Variants in XPO1 observed in about 807,000 individuals in gnomAD.
XPO1 encodes the protein exportin-1.
Under a neutral mutation model 133.3 loss-of-function variants are expected in XPO1, and 5 were observed. That is an observed-to-expected ratio of 0.04 (90% CI 0.02 to 0.08). XPO1 has a LOEUF of 0.08. Ranked by LOEUF, XPO1 falls within the 10% of genes least tolerant of loss-of-function variation. XPO1 has a pLI of 1.00. For synonymous variants in XPO1, 419 were observed against 408.2 expected (o/e 1.03, Z -0.32); for missense variants, 506 against 1,267.5 (o/e 0.40, Z 9.12).
At chr2:61,500,962 G>A (rs1413408352) in intron 6 of XPO1, among the ~76,000 whole-genome samples, 1 of 152,092 alleles carries the variant, frequency 6.6e-6, no homozygotes, top group African/African-American at 2.4e-5. Flanking sequence ...ACTGCAATCG[G>A]GGCCTGAATA....
intron 4 of XPO1, among the ~76,000 whole-genome samples, chr2:61,511,888 A>G (rs921970650): frequency 6.6e-6 from 1 of 152,022 alleles, no homozygotes; most frequent in African/African-American, 2.4e-5. Context: ...CCTACCGAGT[A>G]GCTGGGATTC....
chr2:61,511,678 C>A (rs1057260561), intron 4 of XPO1, among the ~76,000 whole-genome samples: 2 of 152,182 alleles, frequency 1.3e-5, no homozygotes, highest in African/African-American at 2.4e-5. Context: ...GGATTGCAGG[C>A]CTCAATCACT....
intron 2 of XPO1, among the ~76,000 whole-genome samples, chr2:61,527,171 A>G (rs182500798): frequency 3.0e-4 from 45 of 152,208 alleles, no homozygotes; most frequent in East Asian, 2.9e-3. Flanking sequence ...CAAAAACAAT[A>G]TAAAAATTCT....
At chr2:61,534,057 G>A in intron 1 of XPO1, 154 bp from the exon 2 acceptor site, 2 of 712,704 alleles carry the variant, frequency 2.8e-6, no homozygotes, top group Non-Finnish European at 2.0e-6. Flanking sequence ...GTAAAAGCAA[G>A]TAACAAAAGC....
intron 7 of XPO1, among the ~76,000 whole-genome samples, chr2:61,499,147 A>G (rs1400778588): frequency 6.6e-6 from 1 of 152,256 alleles, no homozygotes; most frequent in African/African-American, 2.4e-5. Flanking sequence ...AAGTATAACT[A>G]TAGTTTATAC....
intron 6 of XPO1, among the ~76,000 whole-genome samples, chr2:61,500,323 G>A (rs1558647742): frequency 6.6e-6 from 1 of 152,044 alleles, no homozygotes; most frequent in African/African-American, 2.4e-5. Flanking sequence ...GCTCGTGCCT[G>A]TAATCCCAGC....
intron 4 of XPO1, among the ~76,000 whole-genome samples, chr2:61,517,733 T>TA (rs1481219575): frequency 6.6e-6 from 1 of 152,078 alleles, no homozygotes; most frequent in African/African-American, 2.4e-5. Context: ...CCCAGGAGTT[T>TA]AAAACCAGCC....
At chr2:61,481,352 A>C (rs1696342750) in intron 23 of XPO1, 71 bp from the exon 24 acceptor site, 2 of 1,159,300 alleles carry the variant, frequency 1.7e-6, no homozygotes, top group South Asian at 3.0e-5. Context: ...CTCTGTCACC[A>C]GGCTGGAGTA....
chr2:61,526,172 A>G (rs962986171), intron 3 of XPO1: 27 of 1,295,110 alleles, frequency 2.1e-5, no homozygotes, highest in Middle Eastern at 6.0e-4. Flanking sequence ...CATATACTAA[A>G]AAGAAAAAAA....
intron 4 of XPO1, chr2:61,502,549 TCGAGACCAGCA>T: frequency 5.4e-6 from 2 of 372,360 alleles, no homozygotes; most frequent in Non-Finnish European, 9.8e-6. Flanking sequence ...GGCCAGGAAT[TCGAGACCAGCA>T]TGACCAACAT....
chr2:61,490,282 T>C (rs1366717838), intron 17 of XPO1, among the ~76,000 whole-genome samples: 2 of 150,736 alleles, frequency 1.3e-5, no homozygotes, highest in African/African-American at 4.9e-5. Flanking sequence ...CACTGCAACC[T>C]CTGCCTCTTG....
intron 2 of XPO1, 101 bp from the exon 3 acceptor site, chr2:61,526,622 A>G: frequency 2.4e-6 from 2 of 818,626 alleles, no homozygotes; most frequent in Non-Finnish European, 3.5e-6. Flanking sequence ...CTAATTGGAC[A>G]GAGATTCTAT....
At chr2:61,530,532 C>T (rs1249424591) in intron 2 of XPO1, among the ~76,000 whole-genome samples, 1 of 152,134 alleles carries the variant, frequency 6.6e-6, no homozygotes, top group Non-Finnish European at 1.5e-5. Context: ...AAACATCCAA[C>T]TCTTCCCGCA....
chr2:61,488,507 A>C (rs1696804170), intron 18 of XPO1, 81 bp downstream of exon 18: 1 of 1,438,560 alleles, frequency 7.0e-7, no homozygotes, highest in African/African-American at 1.4e-5. Flanking sequence ...ATCTGTAAAA[A>C]ACATCAAATG....
intron 2 of XPO1, among the ~76,000 whole-genome samples, chr2:61,533,536 T>C (rs1573233919): frequency 6.6e-6 from 1 of 152,226 alleles, no homozygotes; most frequent in Admixed American, 6.5e-5. Context: ...AAGTATTTAA[T>C]AACATTTGGC....
At chr2:61,522,523 A>C in intron 4 of XPO1, 88 bp downstream of exon 4, 1 of 1,148,828 alleles carries the variant, frequency 8.7e-7, no homozygotes. Context: ...TATACTAAAG[A>C]TTCATTACAT....
At position 61,507,809 on chromosome 2, in the gene XPO1, T is replaced by C. The variant is rs61745810; in HGVS notation, c.302-5499A>G. ...AGGAGAAGTGCTTAAACCTGGGAGGTGGAGAAAGAGAAGAGAAAGATGCAT... is the reference window on the plus strand; with the variant it reads ...AGGAGAAGTGCTTAAACCTGGGAGGCGGAGAAAGAGAAGAGAAAGATGCAT... On this transcript the variant is annotated intron_variant, in intron 4 of 24. Coordinates refer to ENST00000401558, the MANE Select transcript of XPO1 (RefSeq NM_003400.4). Among the ~76,000 whole-genome samples, 418 of 151,462 alleles carry C rather than the reference T, an allele frequency of 2.8e-3. 1 individual carries two copies. Among genetic ancestry groups the C allele is most frequent in the African/African-American group, 9.4e-3 (389 of 41,270 alleles).
intron 4 of XPO1, among the ~76,000 whole-genome samples, chr2:61,521,618 A>AT (rs925467861): frequency 2.0e-5 from 3 of 152,126 alleles, no homozygotes; most frequent in African/African-American, 7.2e-5. Flanking sequence ...CTACACCTTC[A>AT]TTTTCTGATC....
chr2:61,528,295 T>C (rs1698995193), intron 2 of XPO1, among the ~76,000 whole-genome samples: 1 of 152,092 alleles, frequency 6.6e-6, no homozygotes, highest in African/African-American at 2.4e-5. Flanking sequence ...GTAAATTTCA[T>C]GAATAGGGTT....
Sources: gnomAD v4.1 joint callset for allele counts (sites outside exome capture counted in the v4.1 genomes callset) on GRCh38, gnomAD v4.1.1 for gene constraint, MANE v1.5 for transcripts, NCBI Gene and HGNC (gene_info 2026-07-23, HGNC 2026-07-21) for gene names.